The following TAFA1 variants were observed in gnomAD, a reference collection of about 807,000 sequenced individuals.
TAFA1 encodes TAFA chemokine like family member 1.
TAFA1 carries 4 observed loss-of-function variants against 18.5 expected under a neutral mutation model. That is an observed-to-expected ratio of 0.22 (90% CI 0.11 to 0.49). The LOEUF is 0.49. TAFA1 is among the 20% of genes least tolerant of loss of function. TAFA1 has a pLI of 0.98. For synonymous variants in TAFA1, 56 were observed against 55.2 expected, an observed-to-expected ratio of 1.01 and a Z score of -0.06; for missense variants, 147 against 169.0, an observed-to-expected ratio of 0.87 and a Z score of 0.72.
chr3:68,267,878 T>C (rs1161273931), intron 2 of TAFA1, among the ~76,000 whole-genome samples: 5 of 152,156 alleles, frequency 3.3e-5, no homozygotes, highest in African/African-American at 1.2e-4. Flanking sequence ...TCGCACACGA[T>C]AAATCTCTGC....
chr3:68,363,538 A>G (rs262229), intron 2 of TAFA1, among the ~76,000 whole-genome samples: 3 of 151,978 alleles, frequency 2.0e-5, no homozygotes. Flanking sequence ...CCGAAAGACA[A>G]GCTTTTGATC....
chr3:68,039,382 T>C (rs990625715), intron 2 of TAFA1, among the ~76,000 whole-genome samples: 1 of 152,176 alleles, frequency 6.6e-6, no homozygotes, highest in African/African-American at 2.4e-5. Context: ...ACAAGTACTC[T>C]TTAACAATCA....
At chr3:68,374,189 C>T (rs757177184) in intron 2 of TAFA1, among the ~76,000 whole-genome samples, 25 of 152,156 alleles carry the variant, frequency 1.6e-4, no homozygotes, top group Non-Finnish European at 2.8e-4. Flanking sequence ...ATTTAAGAGA[C>T]CAGTCAGATG....
At chr3:68,466,214 A>T (rs1315096977) in intron 3 of TAFA1, among the ~76,000 whole-genome samples, 1 of 152,016 alleles carries the variant, frequency 6.6e-6, no homozygotes, top group Non-Finnish European at 1.5e-5. Flanking sequence ...CCATACAGAG[A>T]GTTTCTCCTC....
At chr3:68,215,450 AC>A (rs2066646053) in intron 2 of TAFA1, among the ~76,000 whole-genome samples, 1 of 152,080 alleles carries the variant, frequency 6.6e-6, no homozygotes, top group Non-Finnish European at 1.5e-5. Context: ...GGATTTGGTG[AC>A]AAGTCTTTAG....
At chr3:68,304,009 T>C (rs556946220) in intron 2 of TAFA1, among the ~76,000 whole-genome samples, 2 of 152,272 alleles carry the variant, frequency 1.3e-5, no homozygotes, top group East Asian at 1.9e-4. Context: ...TTAGTGGAAA[T>C]TGAAGTGTAG....
At chr3:68,250,021 A>C (rs1021791574) in intron 2 of TAFA1, among the ~76,000 whole-genome samples, 12 of 152,268 alleles carry the variant, frequency 7.9e-5, no homozygotes, top group African/African-American at 2.9e-4. Flanking sequence ...TATCTCCCAA[A>C]CGTATATTGA....
intron 2 of TAFA1, among the ~76,000 whole-genome samples, chr3:68,292,703 T>C (rs2068132754): frequency 1.3e-5 from 2 of 152,118 alleles, no homozygotes; most frequent in African/African-American, 2.4e-5. Flanking sequence ...AATTGTTTTG[T>C]TTTGTTTTGT....
At chr3:68,365,707 C>T (rs1197907562) in intron 2 of TAFA1, among the ~76,000 whole-genome samples, 1 of 152,074 alleles carries the variant, frequency 6.6e-6, no homozygotes, top group Non-Finnish European at 1.5e-5. Flanking sequence ...GGAGGCCTCA[C>T]AATCATGGTG....
At chr3:68,447,089 G>A (rs1020551103) in intron 3 of TAFA1, among the ~76,000 whole-genome samples, 1 of 152,110 alleles carries the variant, frequency 6.6e-6, no homozygotes, top group African/African-American at 2.4e-5. Context: ...GTATAATGTT[G>A]GAATGATGCC....
At chr3:68,155,796 T>C (rs918666723) in intron 2 of TAFA1, among the ~76,000 whole-genome samples, 17 of 152,178 alleles carry the variant, frequency 1.1e-4, no homozygotes, top group Admixed American at 6.5e-5. Context: ...TCTTCATTTC[T>C]TGTAAACCTC....
chr3:68,274,318 G>T lies in TAFA1; in HGVS notation c.119-142962G>T, dbSNP rs571598597. Among the ~76,000 whole-genome samples the T allele has an allele frequency of 2.0e-5, 3 of 152,224 alleles. No homozygotes were observed. The South Asian group carries it at 6.2e-4, about 32-fold the overall frequency. ...ATGATGAAAGTTTTATTAAATGAAG[G>T]ATTCAAAAGAGAAAACTCTCCAAAC... is the stretch of plus-strand genomic sequence containing the variant. On this transcript the variant is annotated intron_variant, in intron 2 of 4. Coordinates refer to ENST00000478136, the MANE Select transcript of TAFA1 (RefSeq NM_213609.4).
At position 68,191,135 on chromosome 3, in the gene TAFA1, C is replaced by T. The variant is rs920765815; in HGVS notation, c.118+184391C>T. Among the ~76,000 whole-genome samples, 6 of 151,830 alleles carry T rather than the reference C, an allele frequency of 4.0e-5. 1 individual carries two copies. Among genetic ancestry groups the T allele is most frequent in the Admixed American group, 3.9e-4 (6 of 15,190 alleles). ...AGGTGAATGCTGTTTTATGATGAGT[C>T]TATTGTGTGTCTATCTTGTTTTTGT... On this transcript the variant is annotated intron_variant, in intron 2 of 4. Transcript: ENST00000478136.
intron 2 of TAFA1, among the ~76,000 whole-genome samples, chr3:68,116,906 C>A (rs1172135264): frequency 1.3e-5 from 2 of 152,174 alleles, no homozygotes; most frequent in Non-Finnish European, 2.9e-5. Flanking sequence ...TGCCACCATG[C>A]AAGTTGAGTA....
At chr3:68,121,092 T>A (rs560833358) in intron 2 of TAFA1, among the ~76,000 whole-genome samples, 1 of 152,338 alleles carries the variant, frequency 6.6e-6, no homozygotes, top group South Asian at 2.1e-4. Context: ...AGTATTGGGA[T>A]GAAAAGCCAA....
At chr3:68,370,470 G>GTATATATATATATATATA (rs2069675173) in intron 2 of TAFA1, among the ~76,000 whole-genome samples, 19 of 31,160 alleles carry the variant, frequency 6.1e-4, no homozygotes, top group East Asian at 5.7e-3. Context: ...GTGTGTGTGT[G>GTATATATATATATATATA]TGTATATATA....
At chr3:68,359,773 C>A (rs542254933) in intron 2 of TAFA1, among the ~76,000 whole-genome samples, 2 of 152,042 alleles carry the variant, frequency 1.3e-5, no homozygotes, top group Non-Finnish European at 2.9e-5. Flanking sequence ...AACTAAGCCA[C>A]CAAATGCCCC....
At chr3:68,396,908 A>C (rs2070392848) in intron 2 of TAFA1, among the ~76,000 whole-genome samples, 1 of 152,174 alleles carries the variant, frequency 6.6e-6, no homozygotes, top group Non-Finnish European at 1.5e-5. Context: ...GTCCACTATG[A>C]ATTTACAACT....
At chr3:68,180,822 T>C (rs2066188948) in intron 2 of TAFA1, among the ~76,000 whole-genome samples, 1 of 152,134 alleles carries the variant, frequency 6.6e-6, no homozygotes, top group Non-Finnish European at 1.5e-5. Flanking sequence ...CCCTTCTGTA[T>C]CCCCTCTCTC....
Sources: gnomAD v4.1 joint callset for allele counts (sites outside exome capture counted in the v4.1 genomes callset) on GRCh38, gnomAD v4.1.1 for gene constraint, MANE v1.5 for transcripts, NCBI Gene and HGNC (gene_info 2026-07-23, HGNC 2026-07-21) for gene names.